Variants in WDR41 observed in about 807,000 individuals in gnomAD.
The protein encoded by WDR41 is WD repeat domain 41, also known as WD repeat-containing protein 41.
In WDR41, 63 loss-of-function variants were observed where a neutral mutation model predicts 69.3. That is an observed-to-expected ratio of 0.91 (90% CI 0.74 to 1.12). The LOEUF is 1.12. Among genes scored for constraint, WDR41 ranks in the 50% most tolerant of loss-of-function variants. The pLI, the probability that WDR41 is intolerant of heterozygous loss-of-function variation, is 0.00. For missense variants in WDR41, 543 were observed against 534.5 expected (o/e 1.02, Z -0.16); for synonymous variants, 185 against 192.1 (o/e 0.96, Z 0.31).
intron 1 of WDR41, among the ~76,000 whole-genome samples, chr5:77,609,788 C>T (rs1398113007): frequency 9.9e-5 from 15 of 151,702 alleles, no homozygotes; most frequent in South Asian, 4.2e-4. Flanking sequence ...TCACCAGCAA[C>T]GGAACAAAGC....
At chr5:77,610,010 G>A (rs1392625361) in intron 1 of WDR41, among the ~76,000 whole-genome samples, 4 of 152,126 alleles carry the variant, frequency 2.6e-5, no homozygotes, top group Non-Finnish European at 5.9e-5. Context: ...CGTGAAGAAT[G>A]CAGAAGCCTC....
In WDR41 at chr5:77,522,116, G is replaced by A. The variant is rs185569000; in HGVS notation, c.43-32544C>T. Among the ~76,000 whole-genome samples the A allele has an allele frequency of 1.5e-3, 226 of 152,316 alleles. 3 individuals are homozygous for A. Among genetic ancestry groups the A allele is most frequent in the African/African-American group, 5.3e-3 (222 of 41,576 alleles). On this transcript the variant is annotated intron_variant, in intron 1 of 5. Coordinates refer to the WDR41 transcript ENST00000509971. ...AGAGGTGAAGTTAGGAAGGGACACT[G>A]ACTTTGATATGCTTTCAAGTTCACA...
intron 8 of WDR41, among the ~76,000 whole-genome samples, chr5:77,442,251 A>G (rs1799195248): frequency 6.6e-6 from 1 of 152,230 alleles, no homozygotes; most frequent in African/African-American, 2.4e-5. Flanking sequence ...GTACAAATAC[A>G]CAATCTTAAA....
chr5:77,525,273 T>A (rs965609686), intron 1 of WDR41, among the ~76,000 whole-genome samples: 1 of 152,228 alleles, frequency 6.6e-6, no homozygotes, highest in Admixed American at 6.5e-5. Flanking sequence ...TGAAATTAAA[T>A]TAAATGTCAC....
intron 1 of WDR41, among the ~76,000 whole-genome samples, chr5:77,585,124 T>C (rs1457030783): frequency 1.4e-5 from 2 of 143,998 alleles, no homozygotes; most frequent in African/African-American, 5.1e-5. Context: ...AACAAATCAG[T>C]AAGAAAAAAA....
At chr5:77,602,541 A>G (rs1486149657) in intron 1 of WDR41, among the ~76,000 whole-genome samples, 12 of 152,148 alleles carry the variant, frequency 7.9e-5, no homozygotes, top group Admixed American at 7.2e-4. Flanking sequence ...TTCACTTAAC[A>G]TCATGACCTC....
At position 77,491,157 on chromosome 5, in the gene WDR41, A is replaced by C. The variant is rs374418105; in HGVS notation, c.51+1013T>G. The C allele has an allele frequency of 7.1e-5, 29 of 406,226 alleles. 1 individual carries two copies. Among genetic ancestry groups the C allele is most frequent in the South Asian group, 1.5e-4 (9 of 59,296 alleles). The allele number at this position is 406,226 out of a possible 1,614,324, so 25.2% of individuals were successfully genotyped here. On this transcript the variant is annotated intron_variant, in intron 1 of 12. Transcript: ENST00000296679. ...CTGATGACATTCCACCACAAAAGTG[A>C]AAATGGCCGGTCCTCGCCTTAAGTG...
intron 5 of WDR41, among the ~76,000 whole-genome samples, chr5:77,457,802 A>C (rs1323550016): frequency 7.1e-6 from 1 of 141,818 alleles, no homozygotes; most frequent in East Asian, 2.2e-4. Context: ...AAATGAGTGC[A>C]ATGCTATTTT....
intron 2 of WDR41, among the ~76,000 whole-genome samples, chr5:77,478,628 C>T (rs1801079763): frequency 6.6e-6 from 1 of 152,182 alleles, no homozygotes; most frequent in South Asian, 2.1e-4. Context: ...TTCAACAACA[C>T]TTCATGCTAA....
intron 1 of WDR41, among the ~76,000 whole-genome samples, chr5:77,502,964 G>T (rs1454910977): frequency 2.0e-5 from 3 of 151,788 alleles, no homozygotes; most frequent in African/African-American, 7.3e-5. Flanking sequence ...TCAATTAACG[G>T]GAAAAATAAC....
intron 1 of WDR41, among the ~76,000 whole-genome samples, chr5:77,585,394 C>T (rs147881654): frequency 0.038 from 5,833 of 152,258 alleles, 364 homozygotes; most frequent in African/African-American, 0.13. Flanking sequence ...ACTAGTACAG[C>T]TGCTATGGAA....
chr5:77,490,211 G>A (rs545239361), intron 1 of WDR41, among the ~76,000 whole-genome samples: 12 of 152,096 alleles, frequency 7.9e-5, no homozygotes, highest in East Asian at 1.9e-4. Flanking sequence ...TGATTCGCCC[G>A]CCTCGGCCTC....
chr5:77,456,955 T>G (rs1164196055), intron 5 of WDR41, among the ~76,000 whole-genome samples: 1 of 152,166 alleles, frequency 6.6e-6, no homozygotes, highest in Non-Finnish European at 1.5e-5. Flanking sequence ...CCACCCACCT[T>G]GGTCTCCCAA....
At chr5:77,461,962 G>A (rs969314509) in intron 4 of WDR41, among the ~76,000 whole-genome samples, 1 of 152,188 alleles carries the variant, frequency 6.6e-6, no homozygotes, top group Admixed American at 6.5e-5. Flanking sequence ...TTAAAGGGCT[G>A]AGTTTGTTTA....
At chr5:77,492,379 A>T (rs1332402331), upstream of WDR41, 1 of 931,072 alleles carries the variant, frequency 1.1e-6, no homozygotes, top group Non-Finnish European at 1.5e-6. Flanking sequence ...ACCACAGTTG[A>T]GGGAGAATTT....
chr5:77,451,427 T>C, intron 6 of WDR41, 74 bp from the exon 7 acceptor site: 1 of 1,380,214 alleles, frequency 7.2e-7, no homozygotes, highest in Non-Finnish European at 1.0e-6. Context: ...CATTCTCAGT[T>C]TTATGTCAGT....
chr5:77,519,665 A>AT (rs555372793), intron 1 of WDR41, among the ~76,000 whole-genome samples: 19 of 152,022 alleles, frequency 1.2e-4, no homozygotes, highest in Non-Finnish European at 7.4e-5. Context: ...AATTAAAAAT[A>AT]TTTTTTAAAA....
At chr5:77,582,402 G>A (rs1580026087) in intron 1 of WDR41, 7 of 1,610,712 alleles carry the variant, frequency 4.3e-6, no homozygotes, top group Non-Finnish European at 5.9e-6. Context: ...AGAAGAAGAA[G>A]GAGGTTCCTG....
At chr5:77,545,417 G>T in intron 1 of WDR41, 1 of 170,886 alleles carries the variant, frequency 5.9e-6, no homozygotes, top group South Asian at 1.4e-4. Context: ...TGCAGCACGG[G>T]GACAGGTCGG....
Sources: allele counts gnomAD v4.1 joint callset (sites outside exome capture counted in the v4.1 genomes callset), GRCh38; gene constraint gnomAD v4.1.1; transcripts MANE v1.5; gene names NCBI Gene and HGNC (gene_info 2026-07-23, HGNC 2026-07-21).